The following CFAP70 variants were observed in gnomAD, a reference collection of about 807,000 sequenced individuals.
CFAP70 encodes the protein cilia and flagella associated protein 70, also known as cilia- and flagella-associated protein 70.
In CFAP70, 81 loss-of-function variants were observed where a neutral mutation model predicts 137.6. The observed-to-expected ratio is 0.59, with a 90% CI of 0.49 to 0.71. The LOEUF is 0.71. CFAP70 is among the 30% of genes least tolerant of loss of function. CFAP70 has a pLI of 0.00. For missense variants in CFAP70, 976 were observed against 1,226.7 expected (o/e 0.80, Z 3.05); for synonymous variants, 382 against 423.6 (o/e 0.90, Z 1.20).
At chr10:73,253,926 G>T in exon 27 of CFAP70, 1 of 1,456,654 alleles carries the variant, frequency 6.9e-7, no homozygotes, top group Non-Finnish European at 9.5e-7. Context: ...TCTCTGGGAA[G>T]GAAAGGAACT....
At chr10:73,288,077 T>C (rs1175990358) in intron 19 of CFAP70, among the ~76,000 whole-genome samples, 1 of 152,100 alleles carries the variant, frequency 6.6e-6, no homozygotes, top group Non-Finnish European at 1.5e-5. Flanking sequence ...TTTGTTTTTT[T>C]AGTAGAGACG....
chr10:73,362,316 T>C (rs2060656251), upstream of CFAP70, among the ~76,000 whole-genome samples: 2 of 152,216 alleles, frequency 1.3e-5, no homozygotes, highest in African/African-American at 4.8e-5. Flanking sequence ...GGGTTTTCTA[T>C]TTCTGTGAAG....
At chr10:73,282,105 GGGGAAGGCTGGGGA>G (rs1564778961) in intron 19 of CFAP70, among the ~76,000 whole-genome samples, 2 of 151,036 alleles carry the variant, frequency 1.3e-5, no homozygotes, top group African/African-American at 2.5e-5. Context: ...TATTGAGGCT[GGGGAAGGCTGGGGA>G]AGGCTGGGGA....
At chr10:73,290,456 A>T (rs889434751) in intron 19 of CFAP70, among the ~76,000 whole-genome samples, 3 of 152,218 alleles carry the variant, frequency 2.0e-5, no homozygotes, top group Admixed American at 6.5e-5. Flanking sequence ...GACAATGAAT[A>T]TGTTCATTAT....
At chr10:73,358,795 G>T (rs965115433), upstream of CFAP70, 1 of 152,492 alleles carries the variant, frequency 6.6e-6, no homozygotes, top group Middle Eastern at 3.4e-3. Flanking sequence ...CATCGCACGA[G>T]CAAGTTTATT....
At chr10:73,329,550 A>C (rs1193337279) in intron 8 of CFAP70, among the ~76,000 whole-genome samples, 1 of 152,240 alleles carries the variant, frequency 6.6e-6, no homozygotes, top group Non-Finnish European at 1.5e-5. Context: ...TAGTAAAGGC[A>C]GTAGTTGAAT....
chr10:73,287,688 T>A (rs1382548338), intron 19 of CFAP70, among the ~76,000 whole-genome samples: 1 of 152,080 alleles, frequency 6.6e-6, no homozygotes, highest in Non-Finnish European at 1.5e-5. Context: ...AAATGATGCA[T>A]CTTGAAGTTA....
chr10:73,331,340 A>G, intron 7 of CFAP70, 64 bp from the exon 9 acceptor site: 1 of 1,341,216 alleles, frequency 7.5e-7, no homozygotes, highest in Non-Finnish European at 1.0e-6. Context: ...AATTTAGGTT[A>G]AAGGGAAATA....
At chr10:73,309,460 T>G (rs2132073766) in intron 12 of CFAP70, among the ~76,000 whole-genome samples, 1 of 152,004 alleles carries the variant, frequency 6.6e-6, no homozygotes, top group South Asian at 2.1e-4. Context: ...TGAGTAGAGA[T>G]CTGGATGTTT....
Position 73,312,006 on chromosome 10 carries a change from A to G in CFAP70, c.1084-92T>C, listed in dbSNP as rs562802255. ...GTTCTCTACACTGCATCAAAATGCA[A>G]ACTAACTGCAGCCATAAAAAAGAAT... On this transcript the variant is annotated intron_variant, in intron 10 of 26. Transcript: ENST00000310715. 22 of 920,498 alleles carry G rather than the reference A, an allele frequency of 2.4e-5. No homozygotes were observed. The East Asian group carries it at 5.2e-4, about 22-fold the overall frequency. 57.0% of individuals were successfully genotyped at this position (920,498 alleles called of 1,614,324 possible).
intron 19 of CFAP70, among the ~76,000 whole-genome samples, chr10:73,281,875 G>A (rs979479627): frequency 1.3e-5 from 2 of 152,178 alleles, no homozygotes; most frequent in Admixed American, 6.5e-5. Flanking sequence ...ATTATCCTAA[G>A]TGAATTAATG....
chr10:73,254,733 T>C (rs111404209), intron 26 of CFAP70, among the ~76,000 whole-genome samples: 5 of 152,136 alleles, frequency 3.3e-5, no homozygotes, highest in African/African-American at 1.2e-4. Context: ...TTTTTCCTTT[T>C]CCCCTTATTG....
intron 9 of CFAP70, among the ~76,000 whole-genome samples, chr10:73,313,371 C>CAAAA (rs775077463): frequency 1.2e-4 from 7 of 59,162 alleles, no homozygotes; most frequent in African/African-American, 3.7e-4. Context: ...GACTCTGTCT[C>CAAAA]AAAAAAAAAA....
chr10:73,346,394 G>C (rs887628988), intron 4 of CFAP70, among the ~76,000 whole-genome samples: 3 of 151,912 alleles, frequency 2.0e-5, no homozygotes, highest in Admixed American at 2.0e-4. Flanking sequence ...CCAGCACTTT[G>C]GGAGGCCGGG....
At chr10:73,264,612 G>A (rs1312063034) in intron 25 of CFAP70, among the ~76,000 whole-genome samples, 1 of 152,080 alleles carries the variant, frequency 6.6e-6, no homozygotes, top group Non-Finnish European at 1.5e-5. Flanking sequence ...TTTCAGAACT[G>A]CTAACTCATG....
At chr10:73,273,970 G>A (rs746916935) in intron 23 of CFAP70, among the ~76,000 whole-genome samples, 9 of 152,074 alleles carry the variant, frequency 5.9e-5, no homozygotes, top group East Asian at 1.9e-4. Context: ...CAAAGAACTC[G>A]GAATATTTCC....
At chr10:73,346,708 A>G (rs576012027) in intron 4 of CFAP70, among the ~76,000 whole-genome samples, 2 of 152,326 alleles carry the variant, frequency 1.3e-5, no homozygotes, top group East Asian at 3.9e-4. Context: ...TATAAAGACA[A>G]AGAAGACATA....
At chr10:73,308,471 A>G (rs1201957703) in intron 12 of CFAP70, among the ~76,000 whole-genome samples, 1 of 151,980 alleles carries the variant, frequency 6.6e-6, no homozygotes, top group Non-Finnish European at 1.5e-5. Context: ...TCTATTAAAA[A>G]TACAAAATTA....
intron 7 of CFAP70, among the ~76,000 whole-genome samples, chr10:73,334,142 A>T (rs2052393085): frequency 6.6e-6 from 1 of 152,204 alleles, no homozygotes. Context: ...TAATCCCTCA[A>T]TTCTCATCTA....
Sources: gnomAD v4.1 joint callset for allele counts (sites outside exome capture counted in the v4.1 genomes callset) on GRCh38, gnomAD v4.1.1 for gene constraint, MANE v1.5 for transcripts, NCBI Gene and HGNC (gene_info 2026-07-23, HGNC 2026-07-21) for gene names.